Variants in ETF1 observed in about 807,000 individuals in gnomAD.
ETF1 encodes eukaryotic peptide chain release factor subunit 1.
Under a neutral mutation model 55.1 loss-of-function variants are expected in ETF1, and 4 were observed. That is an observed-to-expected ratio of 0.07 (90% CI 0.04 to 0.17). The LOEUF (loss-of-function observed/expected upper bound fraction) is 0.17. ETF1 is among the 10% of genes least tolerant of loss of function. The pLI is 1.00. For missense variants in ETF1, 142 were observed against 523.6 expected, an observed-to-expected ratio of 0.27 and a Z score of 7.11; for synonymous variants, 157 against 182.3, an observed-to-expected ratio of 0.86 and a Z score of 1.12.
chr5:138,529,564 T>C, intron 2 of ETF1: 1 of 983,928 alleles, frequency 1.0e-6, no homozygotes, highest in Non-Finnish European at 1.2e-6. Context: ...CAGCAATGTA[T>C]CCCTCAAAGC....
intron 2 of ETF1, among the ~76,000 whole-genome samples, chr5:138,539,804 G>A (rs1428338295): frequency 6.6e-6 from 1 of 152,140 alleles, no homozygotes; most frequent in Non-Finnish European, 1.5e-5. Flanking sequence ...AGGAAATCTA[G>A]TTTTGTATTT....
rs1764590402 is a variant in ETF1 at position 138,507,206 on chromosome 5, A to G, written c.*1099T>C. 6.6e-6 allele frequency: 1 copy of G among 151,842 alleles called. No individual in the cohort carries two copies. 9.4% of individuals were successfully genotyped at this position (151,842 alleles called of 1,614,324 possible). A position where few individuals can be genotyped will look rare whatever the true frequency, so the allele number is the denominator to read the frequency against. ...CCCGCCCCTAATTTCTCATGTGAGA[A>G]GTGCTTGTAAGTCCCACATTTGAAA... On this transcript the variant is annotated 3_prime_UTR_variant, in exon 11 of 11. Coordinates refer to ENST00000360541, the MANE Select transcript of ETF1 (RefSeq NM_004730.4).
chr5:138,541,168 T>C (rs1766156661), intron 2 of ETF1, among the ~76,000 whole-genome samples: 2 of 152,226 alleles, frequency 1.3e-5, no homozygotes, highest in Middle Eastern at 3.4e-3. Flanking sequence ...CAAAACAAGA[T>C]CCTACTGAAA....
At chr5:138,509,668 G>A (rs1042578674) in intron 9 of ETF1, among the ~76,000 whole-genome samples, 5 of 151,510 alleles carry the variant, frequency 3.3e-5, no homozygotes, top group Non-Finnish European at 5.9e-5. Context: ...GCTAAGGCAG[G>A]TGGATCACCT....
At chr5:138,536,781 A>G (rs529468438) in intron 2 of ETF1, among the ~76,000 whole-genome samples, 20 of 152,278 alleles carry the variant, frequency 1.3e-4, no homozygotes, top group Admixed American at 5.2e-4. Context: ...TTTTTTAACA[A>G]TGAAGTACCA....
intron 2 of ETF1, among the ~76,000 whole-genome samples, chr5:138,534,925 G>GA (rs35047092): frequency 0.48 from 72,304 of 151,100 alleles, 19,514 homozygotes; most frequent in Non-Finnish European, 0.6. Context: ...ATAAGGGGGG[G>GA]GGTCAAATGT....
chr5:138,539,089 G>T (rs1455321591), intron 2 of ETF1, among the ~76,000 whole-genome samples: 2 of 152,164 alleles, frequency 1.3e-5, no homozygotes, highest in Admixed American at 1.3e-4. Context: ...ATGGTTATGA[G>T]GGTTATCTGA....
chr5:138,516,609 C>CT (rs1332046661), intron 4 of ETF1, among the ~76,000 whole-genome samples: 1 of 152,252 alleles, frequency 6.6e-6, no homozygotes, highest in Admixed American at 6.5e-5. Flanking sequence ...CCACTGCACT[C>CT]TAGCCTGGGC....
chr5:138,516,371 AAC>A (rs3884296), intron 4 of ETF1, among the ~76,000 whole-genome samples: 2 of 150,636 alleles, frequency 1.3e-5, no homozygotes, highest in African/African-American at 2.4e-5. Context: ...CAAAAATCAA[AAC>A]ACACACACAC....
intron 2 of ETF1, among the ~76,000 whole-genome samples, chr5:138,527,747 C>T (rs1011851191): frequency 6.6e-6 from 1 of 152,020 alleles, no homozygotes; most frequent in Admixed American, 6.6e-5. Context: ...GGGCCTACAA[C>T]CCTAGGGGTT....
intron 2 of ETF1, among the ~76,000 whole-genome samples, chr5:138,539,401 C>G (rs1766082382): frequency 6.6e-6 from 1 of 152,206 alleles, no homozygotes; most frequent in African/African-American, 2.4e-5. Context: ...GTTCCTTATT[C>G]AAGATACCCT....
At chr5:138,509,274 T>C (rs1436943501) in intron 9 of ETF1, 3 of 648,722 alleles carry the variant, frequency 4.6e-6, no homozygotes, top group Non-Finnish European at 5.7e-6. Context: ...CTTTCAACTG[T>C]TGTGATGCAC....
intron 3 of ETF1, 122 bp from the exon 4 acceptor site, chr5:138,517,822 C>T (rs1765081018): frequency 7.6e-7 from 1 of 1,307,950 alleles, no homozygotes; most frequent in Non-Finnish European, 9.8e-7. Flanking sequence ...TTAAATAAAG[C>T]AGAAAAAGCT....
intron 2 of ETF1, chr5:138,529,515 T>C (rs1159554628): frequency 1.9e-5 from 14 of 742,872 alleles, no homozygotes; most frequent in East Asian, 1.3e-4. Flanking sequence ...ATGTGTCACA[T>C]GCAGGTTGTA....
chr5:138,527,147 TTTTC>T (rs1193594002), intron 2 of ETF1, among the ~76,000 whole-genome samples: 1 of 152,126 alleles, frequency 6.6e-6, no homozygotes, highest in African/African-American at 2.4e-5. Flanking sequence ...CAGAAAACAG[TTTTC>T]TTTCTAACTA....
rs1766259837 is a variant in ETF1 at position 138,543,154 on chromosome 5, G to A, written c.-76C>T. The stretch of plus-strand genomic sequence containing the variant: ...TCCTCCCCGGCGGCGGCTCCGCGGC[G>A]GCGGCGGCTCTGACGTAGGACACCG... On this transcript the variant is annotated 5_prime_UTR_variant, in exon 1 of 11. Transcript: ENST00000360541. 1 of 580,562 alleles carries A rather than the reference G, an allele frequency of 1.7e-6. No homozygotes were observed. Among genetic ancestry groups the A allele is most frequent in the South Asian group, 2.2e-5 (1 of 45,966 alleles). The allele number at this position is 580,562 out of a possible 1,614,324, so 36.0% of individuals were successfully genotyped here. A position where few individuals can be genotyped will look rare whatever the true frequency, so the allele number is the denominator to read the frequency against.
At chr5:138,525,272 C>T (rs1484868416) in intron 2 of ETF1, among the ~76,000 whole-genome samples, 4 of 152,038 alleles carry the variant, frequency 2.6e-5, no homozygotes, top group Non-Finnish European at 5.9e-5. Context: ...ATTCTCCTGC[C>T]TCAGCCTCCC....
Position 138,526,073 on chromosome 5 carries a change from A to G in ETF1, c.87-7206T>C, listed in dbSNP as rs145050264. ...TTGGATCTATACCCTTAAAGGGTAT[A>G]TAAGTTTAATATTGTAGTTAGACTG... On this transcript the variant is annotated intron_variant, in intron 2 of 10. Coordinates refer to ENST00000360541, the MANE Select transcript of ETF1 (RefSeq NM_004730.4). 1.9e-3 allele frequency among the ~76,000 whole-genome samples: 282 copies of G among 152,282 alleles called. 9 individuals are homozygous for G. The East Asian group carries it at 0.036, about 19-fold the overall frequency.
At chr5:138,508,482 T>C in intron 10 of ETF1, 95 bp from the exon 11 acceptor site, 1 of 1,570,942 alleles carries the variant, frequency 6.4e-7, no homozygotes, top group Non-Finnish European at 8.6e-7. Context: ...CCTATTCTCT[T>C]GCAGAATTGC....
Sources: allele counts gnomAD v4.1 joint callset (sites outside exome capture counted in the v4.1 genomes callset), GRCh38; gene constraint gnomAD v4.1.1; transcripts MANE v1.5; gene names NCBI Gene and HGNC (gene_info 2026-07-23, HGNC 2026-07-21).